Variants in CSMD1 observed in about 807,000 individuals in gnomAD.
CSMD1 encodes CUB and sushi domain-containing protein 1.
CSMD1 carries 213 observed loss-of-function variants against 417.5 expected under a neutral mutation model. That is an observed-to-expected ratio of 0.51 (90% confidence interval 0.46 to 0.57). The LOEUF (loss-of-function observed/expected upper bound fraction) is 0.57, where lower values mean the gene tolerates loss of function less well. Ranked by LOEUF, CSMD1 falls within the 20% of genes least tolerant of loss-of-function variation. The pLI is 0.00. For missense variants in CSMD1, 6,923 were observed against 4,529.7 expected (o/e 1.53, Z -15.17); for synonymous variants, 2,862 against 1,736.8 (o/e 1.65, Z -16.11).
At chr8:3,984,720 TA>T (rs1814179471) in intron 5 of CSMD1, among the ~76,000 whole-genome samples, 1 of 55,050 alleles carries the variant, frequency 1.8e-5, no homozygotes, top group Admixed American at 1.5e-4. Context: ...TATATATATA[TA>T]TATATATATA....
At chr8:3,824,748 G>A (rs1201927193) in intron 5 of CSMD1, among the ~76,000 whole-genome samples, 1 of 152,100 alleles carries the variant, frequency 6.6e-6, no homozygotes, top group East Asian at 1.9e-4. Context: ...AAAATGAGAT[G>A]TGGCTCACAT....
intron 1 of CSMD1, among the ~76,000 whole-genome samples, chr8:4,675,330 A>C (rs1244568746): frequency 1.3e-5 from 2 of 152,216 alleles, no homozygotes; most frequent in Non-Finnish European, 2.9e-5. Flanking sequence ...GTTATTTGTA[A>C]AATAAATGAG....
intron 1 of CSMD1, among the ~76,000 whole-genome samples, chr8:4,896,618 A>C (rs1315401376): frequency 6.6e-6 from 1 of 152,144 alleles, no homozygotes; most frequent in African/African-American, 2.4e-5. Flanking sequence ...TCTGAGTCCC[A>C]GTGGAAAAAC....
intron 18 of CSMD1, among the ~76,000 whole-genome samples, chr8:3,378,464 A>G (rs1020001937): frequency 6.6e-6 from 1 of 152,188 alleles, no homozygotes; most frequent in Admixed American, 6.5e-5. Context: ...ATTTCAGGCC[A>G]ATATCCCTGA....
At chr8:3,828,592 G>T (rs577783804) in intron 5 of CSMD1, among the ~76,000 whole-genome samples, 1 of 151,956 alleles carries the variant, frequency 6.6e-6, no homozygotes, top group Non-Finnish European at 1.5e-5. Context: ...CAAAGCATTC[G>T]ACAATTTTCT....
At chr8:4,074,384 C>T (rs963385891) in intron 3 of CSMD1, among the ~76,000 whole-genome samples, 3 of 152,056 alleles carry the variant, frequency 2.0e-5, no homozygotes, top group Non-Finnish European at 2.9e-5. Flanking sequence ...GCAGTATTTT[C>T]AATGTCTATC....
At chr8:3,925,898 T>C (rs1345432601) in intron 5 of CSMD1, among the ~76,000 whole-genome samples, 3 of 152,164 alleles carry the variant, frequency 2.0e-5, no homozygotes, top group East Asian at 1.9e-4. Flanking sequence ...TTTAAATATA[T>C]ACTATCTGCA....
chr8:4,358,503 G>T (rs184313654), intron 3 of CSMD1, among the ~76,000 whole-genome samples: 1 of 152,168 alleles, frequency 6.6e-6, no homozygotes, highest in Non-Finnish European at 1.5e-5. Context: ...CTCCTTTTGC[G>T]ATACCAGCAG....
intron 3 of CSMD1, among the ~76,000 whole-genome samples, chr8:4,154,868 G>C (rs1383219966): frequency 1.3e-5 from 2 of 152,152 alleles, no homozygotes; most frequent in African/African-American, 4.8e-5. Flanking sequence ...TACCAAGTCA[G>C]CTGCATCACA....
intron 12 of CSMD1, among the ~76,000 whole-genome samples, chr8:3,416,677 C>G (rs895909183): frequency 6.6e-6 from 1 of 152,142 alleles, no homozygotes; most frequent in Admixed American, 6.5e-5. Flanking sequence ...GTGGCCACAT[C>G]CCCTGCTAAC....
At chr8:4,261,310 G>C (rs1191940070) in intron 3 of CSMD1, among the ~76,000 whole-genome samples, 1 of 152,104 alleles carries the variant, frequency 6.6e-6, no homozygotes, top group African/African-American at 2.4e-5. Flanking sequence ...CCCAGGCATA[G>C]AAAGAAAAAT....
At chr8:3,730,301 A>G (rs866628555) in intron 6 of CSMD1, among the ~76,000 whole-genome samples, 2 of 151,788 alleles carry the variant, frequency 1.3e-5, no homozygotes, top group Non-Finnish European at 1.5e-5. Flanking sequence ...TGACTCAGCC[A>G]TTCCTTCATG....
chr8:3,725,923 T>C (rs1164498704), intron 6 of CSMD1, among the ~76,000 whole-genome samples: 1 of 152,168 alleles, frequency 6.6e-6, no homozygotes, highest in Non-Finnish European at 1.5e-5. Flanking sequence ...TCTTTGATAG[T>C]GGCCTGGACC....
chr8:3,117,274 T>C (rs1434898099), intron 42 of CSMD1, among the ~76,000 whole-genome samples: 1 of 152,150 alleles, frequency 6.6e-6, no homozygotes, highest in East Asian at 1.9e-4. Context: ...TGTTTCACCG[T>C]GTTAGCCAGG....
At chr8:4,301,424 T>G (rs377222833) in intron 3 of CSMD1, among the ~76,000 whole-genome samples, 99 of 152,298 alleles carry the variant, frequency 6.5e-4, no homozygotes, top group African/African-American at 1.8e-3. Context: ...CTGGGAAAGA[T>G]ATGTTTTATC....
At chr8:3,762,999 A>G (rs527306713) in intron 5 of CSMD1, among the ~76,000 whole-genome samples, 1 of 152,160 alleles carries the variant, frequency 6.6e-6, no homozygotes, top group Admixed American at 6.5e-5. Flanking sequence ...GTAGTCTTGA[A>G]CCGGACACTT....
At chr8:3,213,923 T>A (rs983773847) in intron 30 of CSMD1, among the ~76,000 whole-genome samples, 3 of 151,530 alleles carry the variant, frequency 2.0e-5, no homozygotes, top group Non-Finnish European at 4.4e-5. Context: ...AGTGGCACAA[T>A]CTCAGCTCAC....
intron 5 of CSMD1, among the ~76,000 whole-genome samples, chr8:3,931,640 A>G (rs1470138155): frequency 6.7e-6 from 1 of 149,750 alleles, no homozygotes; most frequent in Admixed American, 6.7e-5. Flanking sequence ...GTGCCTCAGG[A>G]TGTCTTTTCA....
At chr8:4,976,773 T>C (rs1463014435) in intron 1 of CSMD1, among the ~76,000 whole-genome samples, 2 of 152,200 alleles carry the variant, frequency 1.3e-5, no homozygotes, top group African/African-American at 4.8e-5. Flanking sequence ...AAATGTGATA[T>C]GGTAGGTATA....
Sources: allele counts gnomAD v4.1 joint callset (sites outside exome capture counted in the v4.1 genomes callset), GRCh38; gene constraint gnomAD v4.1.1; transcripts MANE v1.5; gene names NCBI Gene and HGNC (gene_info 2026-07-23, HGNC 2026-07-21).